The following BRF1 variants were observed in gnomAD, a reference collection of about 807,000 sequenced individuals.
The protein encoded by BRF1 is BRF1 general transcription factor IIIB subunit, also known as transcription factor IIIB 90 kDa subunit.
A neutral mutation model predicts 81.7 loss-of-function variants in BRF1; 59 were observed. The observed-to-expected ratio is 0.72, with a 90% CI of 0.59 to 0.90. BRF1 has a LOEUF of 0.90. Among genes scored for constraint, BRF1 ranks in the 40% least tolerant of loss-of-function variants. The probability of loss-of-function intolerance (pLI) is 0.00; values close to 1 mark genes in which losing one functional copy is unlikely to be tolerated. For synonymous variants in BRF1, 491 were observed against 395.6 expected (o/e 1.24, Z -2.86); for missense variants, 1,050 against 936.3 (o/e 1.12, Z -1.58).
intron 5 of BRF1, chr14:105,249,334 C>T: frequency 6.2e-7 from 1 of 1,601,944 alleles, no homozygotes; most frequent in Non-Finnish European, 8.5e-7. Flanking sequence ...GAGAGCCAGG[C>T]TCACGGCGGC....
rs1220458269 is a variant in BRF1, at chr14:105,309,446, G to A, written c.-162+5876C>T. ...GGGTGGATGTGCCAGGGCAAGTTTT[G>A]TCATTTCCCCTGGACTGGACATTCC... On this transcript the variant is annotated intron_variant, in intron 1 of 17. Transcript: ENST00000327359. This position sits in a 1 kb window ranked among gnomAD's most constrained non-coding sequence, Gnocchi z 4.0. Among the ~76,000 whole-genome samples, 1 of 152,230 alleles carries A rather than the reference G, an allele frequency of 6.6e-6. No individual in the cohort carries two copies. The highest frequency in any genetic ancestry group is 1.5e-5 in the Non-Finnish European group (1 of 68,032).
chr14:105,215,152 G>A (rs1178702685), intron 15 of BRF1, among the ~76,000 whole-genome samples: 3 of 152,204 alleles, frequency 2.0e-5, no homozygotes, highest in African/African-American at 7.2e-5. Context: ...CGAACACGCA[G>A]ATGTGTGTGC....
intron 1 of BRF1, among the ~76,000 whole-genome samples, chr14:105,295,054 G>C (rs921530362): frequency 1.3e-5 from 2 of 152,100 alleles, no homozygotes; most frequent in African/African-American, 4.8e-5. Context: ...CCAGAAAATA[G>C]AAGAGGAAAC....
intron 7 of BRF1, among the ~76,000 whole-genome samples, chr14:105,228,534 G>C (rs779953319): frequency 3.4e-5 from 5 of 148,226 alleles, no homozygotes; most frequent in East Asian, 3.9e-4. Context: ...ACAGAGCAAG[G>C]CTGTTCCTCA....
rs74695834 is a variant in BRF1, at chr14:105,271,908, C to G, written c.439+813G>C. Among the ~76,000 whole-genome samples, 142 of 54,218 alleles carry G rather than the reference C, an allele frequency of 2.6e-3. 2 individuals carry two copies. Among genetic ancestry groups the G allele is most frequent in the African/African-American group, 8.8e-3 (111 of 12,584 alleles). The allele number at this position is 54,218 out of a possible 152,430, so 35.6% of individuals were successfully genotyped here. A position where few individuals can be genotyped will look rare whatever the true frequency, so the allele number is the denominator to read the frequency against. ...CAAGCTGCACACCGCTGAGGGTCGG[C>G]GGCCTCCCCGCCCACCGCCTGCAGT... On this transcript the variant is annotated intron_variant, in intron 3 of 17. Transcript: ENST00000547530. This position sits in a 1 kb window ranked among gnomAD's most constrained non-coding sequence, Gnocchi z 5.5.
intron 3 of BRF1, among the ~76,000 whole-genome samples, chr14:105,263,387 G>A (rs1352504155): frequency 6.6e-6 from 1 of 152,178 alleles, no homozygotes; most frequent in Non-Finnish European, 1.5e-5. Flanking sequence ...AAGCGAGCAG[G>A]GCACAGTGCA....
rs990641368 is a variant in BRF1, at chr14:105,309,728, T to C, written c.-162+5594A>G. 4.6e-5 allele frequency among the ~76,000 whole-genome samples: 7 copies of C among 151,612 alleles called. No individual in the cohort carries two copies. Among genetic ancestry groups the C allele is most frequent in the Admixed American group, 2.0e-4 (3 of 15,222 alleles). ...GGATGTCATCACGACCTTAGGTCTG[T>C]ATTAGGTCTAGATTAGCCTGCATTA... On this transcript the variant is annotated intron_variant, in intron 1 of 17. Transcript: ENST00000327359. The surrounding 1 kb of genome is among the most constrained non-coding windows in gnomAD (Gnocchi z 4.0).
At chr14:105,241,010 C>G (rs1170029805) in intron 6 of BRF1, among the ~76,000 whole-genome samples, 2 of 152,210 alleles carry the variant, frequency 1.3e-5, no homozygotes, top group Non-Finnish European at 2.9e-5. Flanking sequence ...CAGAAGTAGG[C>G]AACCTGGGGT....
At chr14:105,216,741 A>G (rs587696946) in intron 15 of BRF1, among the ~76,000 whole-genome samples, 1 of 152,334 alleles carries the variant, frequency 6.6e-6, no homozygotes, top group Admixed American at 6.5e-5. Flanking sequence ...ACTGCCCCAC[A>G]GGCGGAAGCA....
chr14:105,281,392 C>T (rs1293495495), intron 2 of BRF1, among the ~76,000 whole-genome samples: 19 of 124,130 alleles, frequency 1.5e-4, no homozygotes, highest in African/African-American at 2.9e-4. Flanking sequence ...TGTGTGGATA[C>T]AGGCTGCGTG....
At chr14:105,229,418 G>A (rs587621503) in intron 6 of BRF1, among the ~76,000 whole-genome samples, 7 of 152,222 alleles carry the variant, frequency 4.6e-5, no homozygotes, top group Middle Eastern at 3.2e-3. Context: ...CAGGGATGCC[G>A]GTACCTGGCC....
chr14:105,256,444 C>A, intron 4 of BRF1, 74 bp downstream of exon 4: 10 of 1,613,874 alleles, frequency 6.2e-6, no homozygotes, highest in Non-Finnish European at 8.5e-6. Flanking sequence ...GGGGTACACC[C>A]CGGTCACAAC....
At chr14:105,249,313 G>A (rs1418938216) in intron 5 of BRF1, 4 of 1,589,542 alleles carry the variant, frequency 2.5e-6, no homozygotes, top group Non-Finnish European at 2.6e-6. Flanking sequence ...TGGCTGACAC[G>A]CAGCCTGCGG....
At chr14:105,215,585 CACAGGCGCACACACACTGCATACACAGAA>C (rs1226570565) in intron 15 of BRF1, among the ~76,000 whole-genome samples, 1 of 150,894 alleles carries the variant, frequency 6.6e-6, no homozygotes, top group Admixed American at 6.6e-5. Context: ...GGCACACAGA[CACAGGCGCACACACACTGCATACACAGAA>C]ACAGGCACAC....
intron 2 of BRF1, among the ~76,000 whole-genome samples, chr14:105,274,664 C>T (rs1019383418): frequency 5.3e-5 from 8 of 152,248 alleles, no homozygotes; most frequent in South Asian, 2.1e-4. Context: ...CAGGAGGAAC[C>T]TTGGGAAACA....
Position 105,226,731 on chromosome 14 carries a change from C to CT in BRF1, c.817dup (p.Ser273LysfsTer6). The CT allele has an allele frequency of 2.5e-6, 4 of 1,613,746 alleles. No individual in the cohort carries two copies. The highest frequency in any genetic ancestry group is 3.4e-6 in the Non-Finnish European group (4 of 1,180,010). On this transcript the variant is annotated frameshift_variant, in exon 8 of 18. Coordinates refer to ENST00000547530, the MANE Select transcript of BRF1 (RefSeq NM_001519.4). LOFTEE classifies it high-confidence loss of function. ...CATGAACTCATCAATGGTCAACTGACTGGTGGGGGTGTCTTCAAATTCCGT... is the reference window on the plus strand; with the variant it reads ...CATGAACTCATCAATGGTCAACTGACTTGGTGGGGGTGTCTTCAAATTCCGT...
intron 3 of BRF1, among the ~76,000 whole-genome samples, chr14:105,258,668 G>A (rs2056007579): frequency 3.3e-5 from 5 of 151,764 alleles, no homozygotes; most frequent in Middle Eastern, 3.4e-3. Flanking sequence ...GGGTGGTGGC[G>A]GGCACCTGTA....
intron 5 of BRF1, chr14:105,248,569 T>TGGGGCGGGCGGG (rs1220722542): frequency 1.9e-6 from 1 of 536,822 alleles, no homozygotes; most frequent in Non-Finnish European, 2.2e-6. Context: ...GGGTACGGGC[T>TGGGGCGGGCGGG]CGGGCGGGCG....
chr14:105,213,384 C>T (rs1890473454), intron 15 of BRF1: 1 of 151,874 alleles, frequency 6.6e-6, no homozygotes, highest in African/African-American at 2.4e-5. Context: ...GGCCCTGAGA[C>T]CCCGCTGGCT....
Sources: gnomAD v4.1 joint callset for allele counts (sites outside exome capture counted in the v4.1 genomes callset) on GRCh38, gnomAD v4.1.1 for gene constraint, Gnocchi (gnomAD v3.1) non-coding constraint, MANE v1.5 for transcripts, NCBI Gene and HGNC (gene_info 2026-07-23, HGNC 2026-07-21) for gene names.